The following RGS7 variants were observed in gnomAD, a reference collection of about 807,000 sequenced individuals.
RGS7 encodes regulator of G-protein signaling 7.
RGS7 carries 27 observed loss-of-function variants against 81.1 expected under a neutral mutation model. That is an observed-to-expected ratio of 0.33 (90% CI 0.25 to 0.46). RGS7 has a LOEUF of 0.46. RGS7 is among the 20% of genes least tolerant of loss of function. The pLI is 1.00. For synonymous variants in RGS7, 208 were observed against 207.7 expected (o/e 1.00, Z -0.01); for missense variants, 396 against 607.4 (o/e 0.65, Z 3.66).
chr1:241,183,057 G>A (rs933391717), intron 2 of RGS7, among the ~76,000 whole-genome samples: 4 of 151,300 alleles, frequency 2.6e-5, no homozygotes, highest in African/African-American at 9.7e-5. Context: ...GTGCTTGCTA[G>A]TCCCTTATCC....
At chr1:241,221,006 AAAGGAAGGAAGG>A (rs58113561) in intron 2 of RGS7, among the ~76,000 whole-genome samples, 15 of 84,648 alleles carry the variant, frequency 1.8e-4, no homozygotes, top group African/African-American at 2.8e-4. Flanking sequence ...AGAGAGAGAG[AAAGGAAGGAAGG>A]AAGGAAGGAA....
chr1:240,883,108 G>A (rs367659990), intron 6 of RGS7, among the ~76,000 whole-genome samples: 64 of 137,492 alleles, frequency 4.7e-4, no homozygotes, highest in South Asian at 1.9e-3. Context: ...TCCATGGTGT[G>A]TATGTGCCAC....
At chr1:240,919,026 C>T (rs1240156691) in intron 6 of RGS7, among the ~76,000 whole-genome samples, 1 of 152,046 alleles carries the variant, frequency 6.6e-6, no homozygotes, top group Non-Finnish European at 1.5e-5. Context: ...TCTACTGAAA[C>T]TCACACTAGG....
At chr1:240,854,503 G>A (rs1660717156) in intron 9 of RGS7, among the ~76,000 whole-genome samples, 1 of 152,126 alleles carries the variant, frequency 6.6e-6, no homozygotes, top group South Asian at 2.1e-4. Flanking sequence ...GCAAAGCACT[G>A]AATAGTAGGG....
chr1:241,087,225 G>A (rs1215872247), intron 3 of RGS7, among the ~76,000 whole-genome samples: 1 of 152,096 alleles, frequency 6.6e-6, no homozygotes, highest in East Asian at 1.9e-4. Flanking sequence ...CCACTTCAAA[G>A]AAAACAAGGG....
At chr1:241,091,121 G>A (rs2063842786) in intron 3 of RGS7, among the ~76,000 whole-genome samples, 1 of 152,104 alleles carries the variant, frequency 6.6e-6, no homozygotes, top group African/African-American at 2.4e-5. Context: ...AGGAAATGGA[G>A]AAAAGCAATC....
chr1:240,796,537 T>G (rs960391140), intron 18 of RGS7, among the ~76,000 whole-genome samples: 1 of 152,042 alleles, frequency 6.6e-6, no homozygotes, highest in Non-Finnish European at 1.5e-5. Context: ...ATACAAAAAA[T>G]TAGCCGGGAG....
At chr1:241,264,099 T>A (rs986122667) in intron 2 of RGS7, among the ~76,000 whole-genome samples, 2 of 152,258 alleles carry the variant, frequency 1.3e-5, no homozygotes, top group African/African-American at 4.8e-5. Context: ...ATCCAGTATA[T>A]AGCACTATTC....
intron 2 of RGS7, among the ~76,000 whole-genome samples, chr1:241,221,529 T>C (rs2147999301): frequency 6.6e-6 from 1 of 152,328 alleles, no homozygotes; most frequent in African/African-American, 2.4e-5. Context: ...TACATGACTG[T>C]GATAGTTACT....
intron 10 of RGS7, 137 bp from the exon 11 acceptor site, chr1:240,816,552 A>T: frequency 1.6e-6 from 1 of 637,208 alleles, no homozygotes; most frequent in Non-Finnish European, 2.8e-6. Flanking sequence ...AAAATTCAAA[A>T]GGCACTGCTA....
chr1:241,253,942 G>A (rs2076941195), intron 2 of RGS7, among the ~76,000 whole-genome samples: 1 of 152,176 alleles, frequency 6.6e-6, no homozygotes, highest in African/African-American at 2.4e-5. Flanking sequence ...GAGGAGGAGA[G>A]CAGTAGGCAG....
chr1:240,826,076 G>C (rs1468863187), intron 10 of RGS7, among the ~76,000 whole-genome samples: 1 of 152,198 alleles, frequency 6.6e-6, no homozygotes, highest in African/African-American at 2.4e-5. Context: ...TGTGAGCAGA[G>C]GATGAAAGCA....
chr1:240,923,713 G>T (rs1432196191), intron 6 of RGS7, among the ~76,000 whole-genome samples: 2 of 140,178 alleles, frequency 1.4e-5, no homozygotes, highest in South Asian at 2.2e-4. Flanking sequence ...GAATCCAGAT[G>T]AAAAAAAAAA....
At chr1:240,821,007 C>A (rs1691683443) in intron 10 of RGS7, among the ~76,000 whole-genome samples, 2 of 152,076 alleles carry the variant, frequency 1.3e-5, no homozygotes, top group Non-Finnish European at 2.9e-5. Flanking sequence ...CAGATTGTGA[C>A]CATATCTGAC....
At chr1:241,327,907 A>G (rs1398641178) in intron 2 of RGS7, among the ~76,000 whole-genome samples, 1 of 152,206 alleles carries the variant, frequency 6.6e-6, no homozygotes, top group African/African-American at 2.4e-5. Context: ...GAGTACAGCT[A>G]CCACATTCTA....
At chr1:241,202,082 T>C (rs2073564498) in intron 2 of RGS7, among the ~76,000 whole-genome samples, 1 of 150,788 alleles carries the variant, frequency 6.6e-6, no homozygotes, top group Non-Finnish European at 1.5e-5. Context: ...CCACAACAGT[T>C]TGACTCTGTA....
At chr1:241,298,933 A>G (rs1016725999) in intron 2 of RGS7, among the ~76,000 whole-genome samples, 1 of 152,228 alleles carries the variant, frequency 6.6e-6, no homozygotes, top group African/African-American at 2.4e-5. Context: ...AAATACAAAA[A>G]CAAATGTAAC....
In RGS7 at chr1:240,802,918, G is replaced by C; in HGVS notation, c.1345C>G (p.Gln449Glu). Reference sequence around the variant, plus strand: ...AAAACCAGTACCTTTTTCTTTGCCTGTAGAAGCTCCTGATAGGCACTGGAT... The same window carrying C: ...AAAACCAGTACCTTTTTCTTTGCCTCTAGAAGCTCCTGATAGGCACTGGAT... ...IRSSAYQELL[Q>E]AKKKSGNSMD... is the part of the protein sequence containing the mutation. Residue 449 changes from glutamine (Q) to glutamate (E), a missense_variant, in exon 16 of 19, where the codon CAG becomes GAG. Transcript: ENST00000440928. 6.2e-7 allele frequency: 1 copy of C among 1,609,490 alleles called. No homozygotes were observed. The highest frequency in any genetic ancestry group is 8.5e-7 in the Non-Finnish European group (1 of 1,176,044).
At chr1:240,938,822 G>C (rs542364) in intron 4 of RGS7, among the ~76,000 whole-genome samples, 1 of 132,528 alleles carries the variant, frequency 7.5e-6, no homozygotes, top group East Asian at 2.2e-4. Flanking sequence ...AATTTTGTGC[G>C]TGTGTGTGTG....
Sources: allele counts gnomAD v4.1 joint callset (sites outside exome capture counted in the v4.1 genomes callset), GRCh38; gene constraint gnomAD v4.1.1; transcripts MANE v1.5; gene names NCBI Gene and HGNC (gene_info 2026-07-23, HGNC 2026-07-21).